The following TAB2 variants were observed in gnomAD, a reference collection of about 807,000 sequenced individuals.
TAB2 encodes the protein TGF-beta activated kinase 1 (MAP3K7) binding protein 2.
A neutral mutation model predicts 65.0 loss-of-function variants in TAB2; 3 were observed. That is an observed-to-expected ratio of 0.05 (90% CI 0.02 to 0.12). The LOEUF (loss-of-function observed/expected upper bound fraction) is 0.12, where lower values mean the gene tolerates loss of function less well. Ranked by LOEUF, TAB2 falls within the 10% of genes least tolerant of loss-of-function variation. The pLI is 1.00. For missense variants in TAB2, 623 were observed against 840.3 expected, an observed-to-expected ratio of 0.74 and a Z score of 3.20; for synonymous variants, 298 against 285.1, an observed-to-expected ratio of 1.05 and a Z score of -0.46.
intron 3 of TAB2, among the ~76,000 whole-genome samples, chr6:149,394,850 G>A (rs1229423546): frequency 6.6e-6 from 1 of 152,204 alleles, no homozygotes; most frequent in Non-Finnish European, 1.5e-5. Context: ...CTGGTAGAGG[G>A]CCAGATAGTA....
intron 1 of TAB2, among the ~76,000 whole-genome samples, chr6:149,308,490 G>T (rs1369341679): frequency 2.0e-5 from 3 of 150,166 alleles, no homozygotes; most frequent in African/African-American, 7.4e-5. Context: ...AACCATTAGT[G>T]ATATTTTCTA....
At chr6:149,302,087 G>A (rs568023819) in intron 1 of TAB2, among the ~76,000 whole-genome samples, 1 of 152,034 alleles carries the variant, frequency 6.6e-6, no homozygotes, top group Non-Finnish European at 1.5e-5. Context: ...CAAACTTACA[G>A]CCTGTTCTGT....
intron 1 of TAB2, among the ~76,000 whole-genome samples, chr6:149,272,042 G>C (rs1228747185): frequency 1.3e-5 from 2 of 151,892 alleles, no homozygotes; most frequent in Non-Finnish European, 2.9e-5. Context: ...GGAAGTCATT[G>C]AGTAATTGCC....
At chr6:149,314,410 T>C (rs1193363152), upstream of TAB2, among the ~76,000 whole-genome samples, 1 of 152,214 alleles carries the variant, frequency 6.6e-6, no homozygotes. Flanking sequence ...CTCCTCTACC[T>C]ACCTTCTGTT....
intron 1 of TAB2, among the ~76,000 whole-genome samples, chr6:149,242,918 C>T (rs1222687208): frequency 2.0e-5 from 3 of 152,200 alleles, no homozygotes; most frequent in Non-Finnish European, 4.4e-5. Flanking sequence ...AGGTGCTTCT[C>T]CCATGCTCAC....
At chr6:149,236,710 T>TTGGAGTTATCTGGCAATGCTGCA (rs1777502166) in intron 1 of TAB2, among the ~76,000 whole-genome samples, 1 of 152,196 alleles carries the variant, frequency 6.6e-6, no homozygotes. Flanking sequence ...AAATTAATAG[T>TTGGAGTTATCTGGCAATGCTGCA]TGGAGTTATC....
rs1038784093 is a variant in TAB2, at chr6:149,397,326, A to G, written c.1604-278A>G. On this transcript the variant is annotated intron_variant, in intron 3 of 6. Transcript: ENST00000637181. ...TGTGGTGGCAGTTGCCCATAATCCC[A>G]GCTACTTGGGAGGCTGAGGCAGGAG... Among the ~76,000 whole-genome samples the G allele has an allele frequency of 2.0e-5, 3 of 152,084 alleles. 1 individual carries two copies. Among genetic ancestry groups the G allele is most frequent in the African/African-American group, 7.2e-5 (3 of 41,410 alleles).
intron 1 of TAB2, among the ~76,000 whole-genome samples, chr6:149,305,483 C>CACCT (rs1332251467): frequency 1.3e-5 from 2 of 152,068 alleles, no homozygotes; most frequent in Non-Finnish European, 2.9e-5. Context: ...CACATAAAAG[C>CACCT]ACCTCCTAAT....
intron 1 of TAB2, among the ~76,000 whole-genome samples, chr6:149,237,415 C>A (rs1173683415): frequency 6.6e-6 from 1 of 152,184 alleles, no homozygotes; most frequent in Non-Finnish European, 1.5e-5. Context: ...CTGGTTTCCT[C>A]TTCTCCAGCT....
At chr6:149,381,903 T>TACA (rs1781623295) in intron 3 of TAB2, among the ~76,000 whole-genome samples, 1 of 152,140 alleles carries the variant, frequency 6.6e-6, no homozygotes, top group African/African-American at 2.4e-5. Context: ...TCATCACTAC[T>TACA]GTGGTCTCAG....
chr6:149,312,758 A>G (rs1779187023), upstream of TAB2, among the ~76,000 whole-genome samples: 1 of 152,210 alleles, frequency 6.6e-6, no homozygotes, highest in African/African-American at 2.4e-5. Context: ...GAAAAATTCT[A>G]TATATTGATC....
intron 1 of TAB2, among the ~76,000 whole-genome samples, chr6:149,301,431 T>C (rs1222151902): frequency 2.0e-5 from 3 of 152,206 alleles, no homozygotes; most frequent in African/African-American, 7.2e-5. Context: ...AGCCTTCATA[T>C]ATAGATTACA....
At chr6:149,283,513 C>A (rs1169719337) in intron 1 of TAB2, among the ~76,000 whole-genome samples, 2 of 151,944 alleles carry the variant, frequency 1.3e-5, no homozygotes, top group Non-Finnish European at 2.9e-5. Flanking sequence ...AGTTGGAGAC[C>A]AGCCTGGCCA....
rs543640095 is a variant in TAB2 at position 149,277,629 on chromosome 6, G to A, written c.-121+58853G>A. On this transcript the variant is annotated intron_variant, in intron 1 of 1. Transcript: ENST00000606202. ...CACTGAATACTTTTTTATACCTTTT[G>A]ATATTAGAACTACATAAATAGGTAC... Among the ~76,000 whole-genome samples the A allele has an allele frequency of 5.2e-3, 794 of 152,158 alleles. 5 individuals are homozygous for A. Among genetic ancestry groups the A allele is most frequent in the Non-Finnish European group, 8.5e-3 (576 of 67,982 alleles).
At chr6:149,227,681 G>A (rs1354618914) in intron 1 of TAB2, among the ~76,000 whole-genome samples, 1 of 152,160 alleles carries the variant, frequency 6.6e-6, no homozygotes, top group African/African-American at 2.4e-5. Flanking sequence ...TCTGGACCTT[G>A]GGCAAGATAT....
intron 1 of TAB2, among the ~76,000 whole-genome samples, chr6:149,283,135 G>A (rs1027433038): frequency 1.3e-5 from 2 of 152,206 alleles, no homozygotes; most frequent in Non-Finnish European, 1.5e-5. Context: ...CTCCCCGGGT[G>A]ACACCGTTCA....
chr6:149,227,101 G>A (rs73781712), intron 1 of TAB2, among the ~76,000 whole-genome samples: 7,693 of 152,188 alleles, frequency 0.051, 302 homozygotes, highest in South Asian at 0.13. Context: ...TTTTGCAGGA[G>A]CATACATATT....
At chr6:149,396,523 A>G (rs1356001576) in intron 3 of TAB2, among the ~76,000 whole-genome samples, 1 of 152,128 alleles carries the variant, frequency 6.6e-6, no homozygotes, top group Non-Finnish European at 1.5e-5. Context: ...TCTTTTCCAA[A>G]TCTGCTTTAT....
In TAB2 at chr6:149,370,176, G is replaced by A; in HGVS notation, c.102+77G>A. 8.1e-6 allele frequency: 10 copies of A among 1,238,080 alleles called. No individual in the cohort carries two copies. The South Asian group carries it at 1.1e-4, about 14-fold the overall frequency. 76.7% of individuals were successfully genotyped at this position (1,238,080 alleles called of 1,614,324 possible). A position where few individuals can be genotyped will look rare whatever the true frequency, so the allele number is the denominator to read the frequency against. On this transcript the variant is annotated intron_variant, in intron 2 of 6. Coordinates refer to ENST00000637181, the MANE Select transcript of TAB2 (RefSeq NM_001292034.3). ...AAACATTGGAAGAAAAACTCTTTTA[G>A]GTTATCTTCTTGTTGGTGTTAGTGT...
Sources: gnomAD v4.1 joint callset for allele counts (sites outside exome capture counted in the v4.1 genomes callset) on GRCh38, gnomAD v4.1.1 for gene constraint, MANE v1.5 for transcripts, NCBI Gene and HGNC (gene_info 2026-07-23, HGNC 2026-07-21) for gene names.